The following WNT7A variants were observed in gnomAD, a reference collection of about 807,000 sequenced individuals.
WNT7A encodes the protein protein Wnt-7a.
In WNT7A, 16 loss-of-function variants were observed where a neutral mutation model predicts 28.2. The ratio of observed to expected loss-of-function variants is 0.57; its 90% CI spans 0.38 to 0.86. The LOEUF is 0.86. Ranked by LOEUF, WNT7A falls within the 40% of genes least tolerant of loss-of-function variation. The pLI is 0.00. For synonymous variants in WNT7A, 190 were observed against 195.9 expected, an observed-to-expected ratio of 0.97 and a Z score of 0.25; for missense variants, 411 against 489.7, an observed-to-expected ratio of 0.84 and a Z score of 1.52.
Position 13,854,520 on chromosome 3 carries a change from C to T in WNT7A, c.570+12G>A, listed in dbSNP as rs1694694346. On this transcript the variant is annotated intron_variant, in intron 3 of 3. Coordinates refer to ENST00000285018, the MANE Select transcript of WNT7A (RefSeq NM_004625.4). ...CGCGAGCGCCGCCCAGCTGCCCTCC[C>T]TGGCTTCCTACCTTTCGGCCTGCCT... is the stretch of plus-strand genomic sequence containing the variant. The T allele has an allele frequency of 6.2e-7, 1 of 1,614,066 alleles. No individual in the cohort carries two copies.
chr3:13,873,428 G>A (rs1034709462), intron 2 of WNT7A, among the ~76,000 whole-genome samples: 12 of 151,990 alleles, frequency 7.9e-5, no homozygotes, highest in African/African-American at 1.2e-4. Context: ...TAGAGACCTG[G>A]CCCTCACTGG....
At position 13,854,753 on chromosome 3, in the gene WNT7A, G is replaced by A; in HGVS notation, c.349C>T (p.His117Tyr). 2 of 1,613,860 alleles carry A rather than the reference G, an allele frequency of 1.2e-6. No homozygotes were observed. Among genetic ancestry groups the A allele is most frequent in the South Asian group, 1.1e-5 (1 of 91,078 alleles). Reference protein sequence around the residue: ...TYAIIAAGVAHAITAACTQGN... With the variant: ...TYAIIAAGVAYAITAACTQGN... ...TGGGTACAGGCAGCTGTGATGGCGT[G>A]GGCCACGCCGGCGGCAATGATGGCG... The change falls in exon 3 of 4, where the codon CAC (histidine) becomes TAC (tyrosine). Residue 117 changes from histidine to tyrosine, a missense_variant. Coordinates refer to ENST00000285018, the MANE Select transcript of WNT7A (RefSeq NM_004625.4).
In WNT7A at chr3:13,833,609, C is replaced by A. The variant is rs556004096; in HGVS notation, c.571-14186G>T. On this transcript the variant is annotated intron_variant, in intron 3 of 3. Transcript: ENST00000285018. Reference sequence around the variant, plus strand: ...TGGGTGCCTCTCTCTCATAAGTGACCTCCCTGCAGGCTGCTAGGTTGACTA... The same window carrying A: ...TGGGTGCCTCTCTCTCATAAGTGACATCCCTGCAGGCTGCTAGGTTGACTA... Among the ~76,000 whole-genome samples the A allele has an allele frequency of 2.0e-5, 3 of 152,336 alleles. No individual in the cohort carries two copies. In the East Asian group the frequency reaches 5.8e-4, roughly 29 times the overall value.
chr3:13,834,973 G>A (rs1694342550), intron 3 of WNT7A, among the ~76,000 whole-genome samples: 1 of 152,250 alleles, frequency 6.6e-6, no homozygotes, highest in African/African-American at 2.4e-5. Flanking sequence ...ATGACTGAGA[G>A]CAGTAAGAAA....
chr3:13,854,933 C>T, intron 2 of WNT7A, 130 bp from the exon 3 acceptor site: 1 of 1,249,136 alleles, frequency 8.0e-7, no homozygotes, highest in Non-Finnish European at 1.1e-6. Context: ...AGTACCCGTT[C>T]CTAACTTCCA....
chr3:13,874,524 A>G (rs996591796), intron 2 of WNT7A, among the ~76,000 whole-genome samples: 12 of 152,188 alleles, frequency 7.9e-5, no homozygotes, highest in Admixed American at 2.0e-4. Flanking sequence ...TCACTGCTGC[A>G]ACTAAAGGGA....
chr3:13,846,024 C>T (rs150292339), intron 3 of WNT7A, among the ~76,000 whole-genome samples: 54 of 152,316 alleles, frequency 3.5e-4, no homozygotes, highest in African/African-American at 1.3e-3. Flanking sequence ...CAGCCTGGGG[C>T]CCCTCACCTG....
intron 3 of WNT7A, among the ~76,000 whole-genome samples, chr3:13,834,690 C>G (rs1464730708): frequency 3.9e-5 from 6 of 152,170 alleles, no homozygotes; most frequent in Non-Finnish European, 8.8e-5. Context: ...CACATGGCTC[C>G]CTTCCTCAGT....
At chr3:13,821,957 A>G (rs1043320845) in intron 3 of WNT7A, among the ~76,000 whole-genome samples, 3 of 152,232 alleles carry the variant, frequency 2.0e-5, no homozygotes, top group Non-Finnish European at 4.4e-5. Context: ...TAAAAATGCA[A>G]TGGATACAAT....
chr3:13,845,184 AC>A (rs893189808), intron 3 of WNT7A, among the ~76,000 whole-genome samples: 1 of 151,784 alleles, frequency 6.6e-6, no homozygotes, highest in Non-Finnish European at 1.5e-5. Flanking sequence ...AGCATCTGGG[AC>A]CCCCTTGGGC....
chr3:13,831,982 A>AC (rs1559296387), intron 3 of WNT7A, among the ~76,000 whole-genome samples: 1 of 151,684 alleles, frequency 6.6e-6, no homozygotes, highest in Non-Finnish European at 1.5e-5. Context: ...GCAGCCTTGG[A>AC]CCCCCAACCC....
rs142728307 is a variant in WNT7A, at chr3:13,861,570, C to A, written c.299-6767G>T. Among the ~76,000 whole-genome samples the A allele has an allele frequency of 3.3e-5, 5 of 152,198 alleles. No homozygotes were observed. In the East Asian group the frequency reaches 9.7e-4, roughly 29 times the overall value. Reference sequence around the variant, plus strand: ...GGGAGTGGGGATATCTGGGGTGGTGCCTTGAGTGGGGAGGTCATGAGGCTC... The same window carrying A: ...GGGAGTGGGGATATCTGGGGTGGTGACTTGAGTGGGGAGGTCATGAGGCTC... On this transcript the variant is annotated intron_variant, in intron 2 of 3. Transcript: ENST00000285018.
Position 13,819,437 on chromosome 3 carries a change from C to G in WNT7A, c.571-14G>C, listed in dbSNP as rs760646081. 2.4e-5 allele frequency: 39 copies of G among 1,609,952 alleles called. No individual in the cohort carries two copies. In the East Asian group the frequency reaches 8.5e-4, roughly 35 times the overall value. On this transcript the variant is annotated splice_polypyrimidine_tract_variant and intron_variant, in intron 3 of 3. Coordinates refer to ENST00000285018, the MANE Select transcript of WNT7A (RefSeq NM_004625.4). Reference sequence around the variant, plus strand: ...CTCCTCCAGGATCTGCAGGGGAGGGCGGGGAAGAGCACAGCACAGGTCACT... The same window carrying G: ...CTCCTCCAGGATCTGCAGGGGAGGGGGGGGAAGAGCACAGCACAGGTCACT...
Position 13,840,562 on chromosome 3 carries a change from A to G in WNT7A, c.570+13970T>C, listed in dbSNP as rs578153920. Among the ~76,000 whole-genome samples the G allele has an allele frequency of 2.6e-5, 4 of 152,204 alleles. No individual in the cohort carries two copies. In the East Asian group the frequency reaches 7.7e-4, roughly 29 times the overall value. Reference sequence around the variant, plus strand: ...AGTGAGCTCAGCTTTTTGCTCATCCATTCACCCAACCATCCTTCCAAATAG... The same window carrying G: ...AGTGAGCTCAGCTTTTTGCTCATCCGTTCACCCAACCATCCTTCCAAATAG... On this transcript the variant is annotated intron_variant, in intron 3 of 3. Coordinates refer to ENST00000285018, the MANE Select transcript of WNT7A (RefSeq NM_004625.4).
At chr3:13,847,115 GTCA>G (rs1414732263) in intron 3 of WNT7A, among the ~76,000 whole-genome samples, 1 of 152,220 alleles carries the variant, frequency 6.6e-6, no homozygotes, top group Non-Finnish European at 1.5e-5. Context: ...CCCTCGCTGT[GTCA>G]TCAGAGAAAA....
rs1040748039 is a variant in WNT7A at position 13,879,995 on chromosome 3, G to A, written c.-179C>T. On this transcript the variant is annotated 5_prime_UTR_variant, in exon 1 of 4. Coordinates refer to ENST00000285018, the MANE Select transcript of WNT7A (RefSeq NM_004625.4). ...GCCTCGCCAGGAGCACGGGAGCCAC[G>A]GAGCGGGAGGAGGGAGGGAGGAGCG... is the stretch of plus-strand genomic sequence containing the variant. 1.7e-4 allele frequency: 69 copies of A among 404,294 alleles called. No individual in the cohort carries two copies. Among genetic ancestry groups the A allele is most frequent in the Admixed American group, 2.8e-4 (6 of 21,644 alleles). 25.0% of individuals were successfully genotyped at this position (404,294 alleles called of 1,614,324 possible).
chr3:13,858,889 A>G (rs1289294291), intron 2 of WNT7A, among the ~76,000 whole-genome samples: 1 of 151,978 alleles, frequency 6.6e-6, no homozygotes, highest in African/African-American at 2.4e-5. Context: ...CCCCCACACT[A>G]CCATGGAGGA....
At chr3:13,845,857 G>A (rs2124849661) in intron 3 of WNT7A, among the ~76,000 whole-genome samples, 2 of 152,336 alleles carry the variant, frequency 1.3e-5, no homozygotes, top group South Asian at 4.1e-4. Flanking sequence ...ACGACTACCT[G>A]GAAGGATCGG....
At chr3:13,872,107 G>GAC (rs1245933661) in intron 2 of WNT7A, among the ~76,000 whole-genome samples, 3 of 152,064 alleles carry the variant, frequency 2.0e-5, no homozygotes, top group Non-Finnish European at 4.4e-5. Context: ...CCATTCCCTG[G>GAC]ACACACACAC....
Sources: gnomAD v4.1 joint callset for allele counts (sites outside exome capture counted in the v4.1 genomes callset) on GRCh38, gnomAD v4.1.1 for gene constraint, MANE v1.5 for transcripts, NCBI Gene and HGNC (gene_info 2026-07-23, HGNC 2026-07-21) for gene names.